SLC12A2: variants seen among roughly 807,000 people sequenced by gnomAD.
SLC12A2 encodes the protein solute carrier family 12 member 2.
SLC12A2 carries 67 observed loss-of-function variants against 136.3 expected under a neutral mutation model. The ratio of observed to expected loss-of-function variants is 0.49; its 90% CI spans 0.40 to 0.60. The LOEUF is 0.60. Among genes scored for constraint, SLC12A2 ranks in the 20% least tolerant of loss-of-function variants. The pLI is 0.00. For missense variants in SLC12A2, 1,322 were observed against 1,534.7 expected (o/e 0.86, Z 2.32); for synonymous variants, 619 against 562.9 (o/e 1.10, Z -1.41).
chr5:128,131,228 C>T, intron 5 of SLC12A2, 22 bp downstream of exon 5: 2 of 1,612,318 alleles, frequency 1.2e-6, no homozygotes, highest in Non-Finnish European at 1.7e-6. Flanking sequence ...TCCTTCTAGT[C>T]ATTCGTTTAC....
rs754475123 is a variant in SLC12A2 at position 128,189,001 on chromosome 5, G to A, written c.*2370G>A. 2.5e-4 allele frequency: 37 copies of A among 149,330 alleles called. No individual in the cohort carries two copies. The highest frequency in any genetic ancestry group is 3.9e-4 in the East Asian group (2 of 5,086). 9.3% of individuals were successfully genotyped at this position (149,330 alleles called of 1,614,324 possible). Reference sequence around the variant, plus strand: ...GTACTACAGGAACCAAATGTCATGCGTCATACATGTGGGTATAAAGTACAT... The same window carrying A: ...GTACTACAGGAACCAAATGTCATGCATCATACATGTGGGTATAAAGTACAT... On this transcript the variant is annotated 3_prime_UTR_variant, in exon 27 of 27. Transcript: ENST00000262461.
intron 20 of SLC12A2, among the ~76,000 whole-genome samples, 162 bp downstream of exon 20, chr5:128,174,828 CA>C (rs1763491659): frequency 6.6e-6 from 1 of 152,002 alleles, no homozygotes; most frequent in African/African-American, 2.4e-5. Context: ...AAAATGGCTA[CA>C]AAATGACTAG....
chr5:128,179,259 A>G (rs183005339), intron 22 of SLC12A2, among the ~76,000 whole-genome samples: 15 of 152,292 alleles, frequency 9.8e-5, no homozygotes, highest in African/African-American at 3.4e-4. Context: ...TTTAGGATCC[A>G]TTGATGTTTC....
intron 1 of SLC12A2, among the ~76,000 whole-genome samples, chr5:128,090,874 G>C (rs1185237578): frequency 6.6e-6 from 1 of 152,162 alleles, no homozygotes; most frequent in Non-Finnish European, 1.5e-5. Context: ...GGGGTAGTGA[G>C]GACCAAATAG....
chr5:128,110,931 A>G (rs755583111), intron 1 of SLC12A2: 26 of 893,322 alleles, frequency 2.9e-5, no homozygotes, highest in Middle Eastern at 2.8e-4. Flanking sequence ...AAAGGGTAGA[A>G]CCACAGACTG....
chr5:128,179,891 C>T (rs1289149873), intron 22 of SLC12A2, among the ~76,000 whole-genome samples: 4 of 144,606 alleles, frequency 2.8e-5, no homozygotes, highest in South Asian at 2.2e-4. Context: ...TCCTATATTT[C>T]GCCAGCAGAA....
intron 26 of SLC12A2, 52 bp from the exon 27 acceptor site, chr5:128,186,444 T>C (rs1245340190): frequency 2.6e-6 from 4 of 1,542,010 alleles, no homozygotes; most frequent in Non-Finnish European, 3.5e-6. Context: ...TTTTATTCTG[T>C]AAATGCATTG....
chr5:128,095,845 G>C (rs928855009), intron 1 of SLC12A2, among the ~76,000 whole-genome samples: 1 of 152,096 alleles, frequency 6.6e-6, no homozygotes, highest in Non-Finnish European at 1.5e-5. Context: ...TAGAGAGGCT[G>C]GTTTGAGAAT....
intron 4 of SLC12A2, among the ~76,000 whole-genome samples, chr5:128,129,125 CA>C (rs2126694223): frequency 6.6e-6 from 1 of 152,102 alleles, no homozygotes; most frequent in South Asian, 2.1e-4. Flanking sequence ...TTTGTATTGT[CA>C]ACTACTAAAG....
At chr5:128,185,844 T>C (rs1382544916) in intron 26 of SLC12A2, among the ~76,000 whole-genome samples, 3 of 152,142 alleles carry the variant, frequency 2.0e-5, no homozygotes, top group South Asian at 2.1e-4. Context: ...TGAACAAATT[T>C]TGAAAAATCT....
chr5:128,107,991 T>C (rs955272885), intron 1 of SLC12A2, among the ~76,000 whole-genome samples: 40 of 152,162 alleles, frequency 2.6e-4, no homozygotes, highest in Admixed American at 2.6e-3. Context: ...CATGAGATGG[T>C]ATCTTAATTG....
At chr5:128,128,023 T>G (rs1411698973) in intron 4 of SLC12A2, among the ~76,000 whole-genome samples, 1 of 152,160 alleles carries the variant, frequency 6.6e-6, no homozygotes, top group Non-Finnish European at 1.5e-5. Context: ...TCTCACTAAT[T>G]TTATGCTTCA....
rs368104833 is a variant in SLC12A2 at position 128,120,958 on chromosome 5, A to G, written c.1048+6277A>G. 2.9e-4 allele frequency among the ~76,000 whole-genome samples: 44 copies of G among 152,266 alleles called. 1 individual carries two copies. The South Asian group carries it at 8.5e-3, about 29-fold the overall frequency. On this transcript the variant is annotated intron_variant, in intron 4 of 26. Coordinates refer to ENST00000262461, the MANE Select transcript of SLC12A2 (RefSeq NM_001046.3). ...CTTAACTGAATTATAACGTGTTTAT[A>G]TTTTATTAATTGAATAATGTTTTAT...
intron 1 of SLC12A2, among the ~76,000 whole-genome samples, chr5:128,099,987 C>G (rs377679928): frequency 6.6e-6 from 1 of 151,958 alleles, no homozygotes; most frequent in Admixed American, 6.6e-5. Context: ...GTACATAAAC[C>G]GGTAACATAT....
chr5:128,143,890 A>G (rs1182909882), intron 10 of SLC12A2, among the ~76,000 whole-genome samples: 1 of 149,514 alleles, frequency 6.7e-6, no homozygotes, highest in African/African-American at 2.4e-5. Flanking sequence ...TGTTTTTATT[A>G]TAAATAAAAT....
chr5:128,171,095 CAAA>C (rs765159997), intron 18 of SLC12A2: 16 of 54,896 alleles, frequency 2.9e-4, no homozygotes, highest in Non-Finnish European at 3.8e-4. Context: ...GACTCTGTCT[CAAA>C]AAAAAAAAAA....
In SLC12A2 at chr5:128,173,126, G is replaced by A. The variant is rs184997748; in HGVS notation, c.2803+1380G>A. ...ATCAGAATGAGCTAAGCCTAAATAC[G>A]TAAGAGGTATCTGCTTCTGTATTTA... On this transcript the variant is annotated intron_variant, in intron 19 of 26. Transcript: ENST00000262461. Among the ~76,000 whole-genome samples the A allele has an allele frequency of 3.3e-5, 5 of 152,128 alleles. No homozygotes were observed. The East Asian group carries it at 7.7e-4, about 23-fold the overall frequency.
intron 23 of SLC12A2, among the ~76,000 whole-genome samples, chr5:128,181,493 A>G (rs1763706656): frequency 6.6e-6 from 1 of 152,212 alleles, no homozygotes; most frequent in African/African-American, 2.4e-5. Flanking sequence ...TACAGAGTAC[A>G]TAATATGCAT....
chr5:128,111,930 A>G (rs897801667), intron 1 of SLC12A2, among the ~76,000 whole-genome samples: 1 of 152,076 alleles, frequency 6.6e-6, no homozygotes. Context: ...GAACATCTGA[A>G]ATATAGCCAC....
Sources: allele counts gnomAD v4.1 joint callset (sites outside exome capture counted in the v4.1 genomes callset), GRCh38; gene constraint gnomAD v4.1.1; transcripts MANE v1.5; gene names NCBI Gene and HGNC (gene_info 2026-07-23, HGNC 2026-07-21).